The following CNP variants were observed in gnomAD, a reference collection of about 807,000 sequenced individuals.
CNP encodes 2',3'-cyclic-nucleotide 3'-phosphodiesterase.
In CNP, 8 loss-of-function variants were observed where a neutral mutation model predicts 37.9. The observed-to-expected ratio is 0.21, with a 90% CI of 0.12 to 0.38. CNP has a LOEUF of 0.38. Among genes scored for constraint, CNP ranks in the 10% least tolerant of loss-of-function variants. The pLI, the probability that CNP is intolerant of heterozygous loss-of-function variation, is 1.00. For missense variants in CNP, 457 were observed against 551.0 expected, an observed-to-expected ratio of 0.83 and a Z score of 1.71; for synonymous variants, 237 against 238.3, an observed-to-expected ratio of 0.99 and a Z score of 0.05.
chr17:41,973,579 G>A lies in CNP; in HGVS notation c.921G>A (p.Leu307=), dbSNP rs1317754566. ...GARVELSEQQ[L]QLWPSDVDKL... ...GGGTGGAGTTAAGCGAGCAGCAACT[G>A]CAGTTGTGGCCGAGTGATGTGGACA... Residue 307 remains leucine, a synonymous_variant, in exon 4 of 4, where the codon CTG becomes CTA. Coordinates refer to ENST00000393892, the MANE Select transcript of CNP (RefSeq NM_033133.5). The A allele has an allele frequency of 6.2e-7, 1 of 1,614,242 alleles. No homozygotes were observed. The highest frequency in any genetic ancestry group is 1.3e-5 in the African/African-American group (1 of 75,066).
chr17:41,967,031 G>C, intron 1 of CNP, 144 bp downstream of exon 1: 2 of 940,332 alleles, frequency 2.1e-6, no homozygotes, highest in Non-Finnish European at 2.8e-6. Context: ...GGGCGGCCCT[G>C]AGGTCTGGGA....
rs2051037706 is a variant in CNP, at chr17:41,974,150, AG to A, written c.*228del. On this transcript the variant is annotated 3_prime_UTR_variant, in exon 4 of 4. Transcript: ENST00000393892. ...CAAGGTGGGCAGGGAGGCACCATTCAGGAACCTGGACCAAAGCTGACGAGGC... is the reference window on the plus strand; with the variant it reads ...CAAGGTGGGCAGGGAGGCACCATTCAGAACCTGGACCAAAGCTGACGAGGC... 5.3e-6 allele frequency: 2 copies of A among 378,560 alleles called. No individual in the cohort carries two copies. Among genetic ancestry groups the A allele is most frequent in the Non-Finnish European group, 9.2e-6 (2 of 217,118 alleles). 23.5% of individuals were successfully genotyped at this position (378,560 alleles called of 1,614,324 possible).
chr17:41,968,765 A>G lies in CNP; in HGVS notation c.676+25A>G. ...TGTAGGTGGCAGGTTGGGGCCTTATAAGCCCACCTTGCTGGGCACAGGGTG... is the reference window on the plus strand; with the variant it reads ...TGTAGGTGGCAGGTTGGGGCCTTATGAGCCCACCTTGCTGGGCACAGGGTG... On this transcript the variant is annotated intron_variant, in intron 2 of 3. Transcript: ENST00000393892. This position sits in a 1 kb window ranked among gnomAD's most constrained non-coding sequence, Gnocchi z 4.8. 6.3e-7 allele frequency: 1 copy of G among 1,586,640 alleles called. No homozygotes were observed. The highest frequency in any genetic ancestry group is 1.7e-4 in the Middle Eastern group (1 of 5,920).
At position 41,968,026 on chromosome 17, in the gene CNP, C is replaced by T. The variant is rs782081629; in HGVS notation, c.4-42C>T. ...CTAGGGGTAAGGCCGGCGGGGAGCC[C>T]GCGAATGACCTGGGCTGACATCTCT... On this transcript the variant is annotated intron_variant, in intron 1 of 3. Transcript: ENST00000393892. The surrounding 1 kb of genome is among the most constrained non-coding windows in gnomAD (Gnocchi z 4.8). 15 of 1,573,852 alleles carry T rather than the reference C, an allele frequency of 9.5e-6. No individual in the cohort carries two copies. The South Asian group carries it at 1.4e-4, about 15-fold the overall frequency.
At chr17:41,970,007 A>G (rs899162140) in intron 2 of CNP, among the ~76,000 whole-genome samples, 1 of 152,192 alleles carries the variant, frequency 6.6e-6, no homozygotes, top group Non-Finnish European at 1.5e-5. Flanking sequence ...TCTGCAGTGA[A>G]CTGTGGTGCT....
chr17:41,967,850 A>G, intron 1 of CNP: 1 of 1,390,976 alleles, frequency 7.2e-7, no homozygotes. Context: ...CCGAAGTGGC[A>G]GGAATGGGGA....
Position 41,973,533 on chromosome 17 carries a change from C to T in CNP, c.875C>T (p.Thr292Ile). 1 of 1,614,262 alleles carries T rather than the reference C, an allele frequency of 6.2e-7. No individual in the cohort carries two copies. The highest frequency in any genetic ancestry group is 8.5e-7 in the Non-Finnish European group (1 of 1,180,056). ...CTGACCATCTCTGCCCTCTTTGTGA[C>T]ACCCAAGACGACTGGGGCCCGGGTG... is the stretch of plus-strand genomic sequence containing the variant. The part of the protein sequence containing the change: ...FTLTISALFV[T>I]PKTTGARVEL... The change falls in exon 4 of 4, where the codon ACA becomes ATA. Residue 292 changes from threonine to isoleucine, a missense_variant. By Grantham distance (89) the Thr-to-Ile change is moderately conservative (BLOSUM62 -1). Transcript: ENST00000393892.
In CNP at chr17:41,976,649, TGAAG is replaced by T; in HGVS notation, c.*2727_*2730del. The T allele has an allele frequency of 6.4e-7, 1 of 1,550,878 alleles. No homozygotes were observed. The highest frequency in any genetic ancestry group is 1.1e-5 in the South Asian group (1 of 87,072). On this transcript the variant is annotated 3_prime_UTR_variant, in exon 4 of 4. Coordinates refer to ENST00000393892, the MANE Select transcript of CNP (RefSeq NM_033133.5). ...CTGCTCTAAGCACACGGAGACGTGA[TGAAG>T]GGAGGAGGTGAACTGTTTCCACATT...
At chr17:41,973,391 C>A in intron 3 of CNP, 84 bp from the exon 4 acceptor site, 2 of 1,343,662 alleles carry the variant, frequency 1.5e-6, no homozygotes, top group Non-Finnish European at 2.1e-6. Context: ...CCCTTCTCTC[C>A]TCCAGGAGGG....
In CNP at chr17:41,977,249, A is replaced by C. The variant is rs1555645039; in HGVS notation, c.*3325A>C. On this transcript the variant is annotated 3_prime_UTR_variant, in exon 4 of 4. Coordinates refer to ENST00000393892, the MANE Select transcript of CNP (RefSeq NM_033133.5). ...TGATCTGGGAACTCCCAAGAACAGC[A>C]GGCCCACCTACCTTCAAAGCTGAAG... 2 of 1,576,226 alleles carry C rather than the reference A, an allele frequency of 1.3e-6. No homozygotes were observed. The highest frequency in any genetic ancestry group is 3.7e-5 in the Admixed American group (2 of 53,946).
chr17:41,968,874 A>AGG lies in CNP; in HGVS notation c.676+137_676+138dup. On this transcript the variant is annotated intron_variant, in intron 2 of 3. Transcript: ENST00000393892. The surrounding 1 kb of genome is among the most constrained non-coding windows in gnomAD (Gnocchi z 4.8). ...GAGAGAGGCTCACCTCAGCGGGGGC[A>AGG]GGGGCAAGCGGTGCGTCCCAGTGGT... The AGG allele has an allele frequency of 9.1e-7, 1 of 1,092,928 alleles. No homozygotes were observed. The highest frequency in any genetic ancestry group is 1.3e-6 in the Non-Finnish European group (1 of 785,204). 67.7% of individuals were successfully genotyped at this position (1,092,928 alleles called of 1,614,324 possible).
rs1555644251 is a variant in CNP at position 41,973,815 on chromosome 17, A to G, written c.1157A>G (p.Lys386Arg). ...GGGCGCTGGATGCTGACCCTGGCCA[A>G]GAACATGGAGGTCAGGGCCATCTTC... Reference protein sequence around the residue: ...GNGRWMLTLAKNMEVRAIFTG... With the variant: ...GNGRWMLTLARNMEVRAIFTG... Residue 386 changes from lysine (K) to arginine (R), a missense_variant, in exon 4 of 4, where the codon AAG becomes AGG. Physicochemically the swap from Lys to Arg is conservative, Grantham distance 26. Coordinates refer to ENST00000393892, the MANE Select transcript of CNP (RefSeq NM_033133.5). 2 of 1,612,332 alleles carry G rather than the reference A, an allele frequency of 1.2e-6. No individual in the cohort carries two copies. The highest frequency in any genetic ancestry group is 1.7e-6 in the Non-Finnish European group (2 of 1,179,126).
chr17:41,968,405 G>A lies in CNP; in HGVS notation c.341G>A (p.Arg114Gln). 1 of 1,614,082 alleles carries A rather than the reference G, an allele frequency of 6.2e-7. No homozygotes were observed. Residue 114 changes from arginine (R) to glutamine (Q), a missense_variant, in exon 2 of 4, where the codon CGG (arginine) becomes CAG (glutamine). By Grantham distance (43) the Arg-to-Gln change is conservative (BLOSUM62 1). Around this residue, in one of 2 missense-constraint regions of CNP, gnomAD observed 166 missense variants for 259.3 expected, o/e 0.64. Coordinates refer to ENST00000393892, the MANE Select transcript of CNP (RefSeq NM_033133.5). The surrounding 1 kb of genome is among the most constrained non-coding windows in gnomAD (Gnocchi z 4.8). ...GACCTGGCTGCCTACTGCCGCCGCC[G>A]GGACATCAGAATTCTTGTGCTTGAT... ...DEDLAAYCRR[R>Q]DIRILVLDDT...
In CNP at chr17:41,973,855, G is replaced by T. The variant is rs1555644260; in HGVS notation, c.1197G>T (p.Gly399=). 8 of 1,599,686 alleles carry T rather than the reference G, an allele frequency of 5.0e-6. No homozygotes were observed. In the South Asian group the frequency reaches 9.0e-5, roughly 18 times the overall value. ...GGGCCATCTTCACGGGGTACTACGG[G>T]AAAGGCAAACCTGTGCCCACGCAAG... ...EVRAIFTGYY[G]KGKPVPTQGS... Residue 399 remains glycine (G), a synonymous_variant, in exon 4 of 4, where the codon GGG becomes GGT. Coordinates refer to ENST00000393892, the MANE Select transcript of CNP (RefSeq NM_033133.5).
intron 2 of CNP, chr17:41,970,232 G>A (rs1228091861): frequency 2.0e-5 from 3 of 152,052 alleles, no homozygotes; most frequent in African/African-American, 2.4e-5. Flanking sequence ...AAGTAGCTGG[G>A]AATACAGGCG....
Position 41,966,875 on chromosome 17 carries a change from C to A in CNP, c.-10C>A. The A allele has an allele frequency of 7.4e-7, 1 of 1,355,344 alleles. No individual in the cohort carries two copies. The highest frequency in any genetic ancestry group is 3.6e-5 in the Admixed American group (1 of 27,436). 84.0% of individuals were successfully genotyped at this position (1,355,344 alleles called of 1,614,324 possible). On this transcript the variant is annotated 5_prime_UTR_variant, in exon 1 of 4. Coordinates refer to ENST00000393892, the MANE Select transcript of CNP (RefSeq NM_033133.5). ...CGGCAGAGGCGGCGACGGTGGCGCC[C>A]CTCCTCATCATGGTGAGAGGCCGGG...
intron 3 of CNP, among the ~76,000 whole-genome samples, chr17:41,973,025 G>A (rs1398077086): frequency 6.6e-6 from 1 of 152,210 alleles, no homozygotes; most frequent in Non-Finnish European, 1.5e-5. Context: ...TGGGTCCCAG[G>A]GGAAGCTGAG....
At position 41,974,257 on chromosome 17, in the gene CNP, CCAGCT is replaced by C. The variant is rs1295230413; in HGVS notation, c.*334_*338del. 1.1e-5 allele frequency: 2 copies of C among 187,046 alleles called. No homozygotes were observed. The highest frequency in any genetic ancestry group is 2.2e-5 in the Non-Finnish European group (2 of 91,114). 11.6% of individuals were successfully genotyped at this position (187,046 alleles called of 1,614,324 possible). A position where few individuals can be genotyped will look rare whatever the true frequency, so the allele number is the denominator to read the frequency against. On this transcript the variant is annotated 3_prime_UTR_variant, in exon 4 of 4. Transcript: ENST00000393892. ...CTGGTTAGCTCAGCCCCAGCCCAGC[CCAGCT>C]GCTCTGCCCAGAGCTGGGTGAGTGG...
At chr17:41,972,648 CGTTT>C (rs1253276250) in intron 3 of CNP, among the ~76,000 whole-genome samples, 4 of 152,288 alleles carry the variant, frequency 2.6e-5, no homozygotes, top group South Asian at 4.1e-4. Flanking sequence ...TTAGCACAAT[CGTTT>C]GTTTGTTCAC....
Sources: allele counts gnomAD v4.1 joint callset (sites outside exome capture counted in the v4.1 genomes callset), GRCh38; gene constraint gnomAD v4.1.1; regional missense constraint gnomAD v4.1.1; non-coding constraint Gnocchi (gnomAD v3.1); transcripts MANE v1.5; gene names NCBI Gene and HGNC (gene_info 2026-07-23, HGNC 2026-07-21).